The following CCDC14 variants were observed in gnomAD, a reference collection of about 807,000 sequenced individuals.
CCDC14 encodes the protein coiled-coil domain containing 14.
Under a neutral mutation model 81.4 loss-of-function variants are expected in CCDC14, and 71 were observed. The observed-to-expected ratio is 0.87, with a 90% confidence interval of 0.72 to 1.06. The LOEUF is 1.06. Ranked by LOEUF, CCDC14 falls within the 50% of genes least tolerant of loss-of-function variation. CCDC14 has a pLI of 0.00. For missense variants in CCDC14, 1,046 were observed against 1,047.3 expected, an observed-to-expected ratio of 1.00 and a Z score of 0.02; for synonymous variants, 332 against 364.8, an observed-to-expected ratio of 0.91 and a Z score of 1.03.
At chr3:123,890,934 C>T in the CCDC14 span, among the ~76,000 whole-genome samples, 1 of 152,234 alleles carries the variant, frequency 6.6e-6, no homozygotes, top group African/African-American at 2.4e-5. Context: ...TCCACCTGGG[C>T]ATCCAGGCAT....
chr3:123,944,138 T>C (rs988991928), intron 9 of CCDC14, among the ~76,000 whole-genome samples: 4 of 152,130 alleles, frequency 2.6e-5, no homozygotes, highest in South Asian at 2.1e-4. Flanking sequence ...GACACCCAAC[T>C]GGTGTCTGTT....
chr3:123,920,066 CAA>C (rs2034953977), intron 12 of CCDC14, among the ~76,000 whole-genome samples: 1 of 151,874 alleles, frequency 6.6e-6, no homozygotes, highest in African/African-American at 2.4e-5. Flanking sequence ...GAAATAGAAA[CAA>C]ATTTTAAAAA....
chr3:123,925,976 G>C (rs1021088439), intron 12 of CCDC14, among the ~76,000 whole-genome samples: 1 of 152,072 alleles, frequency 6.6e-6, no homozygotes, highest in Non-Finnish European at 1.5e-5. Flanking sequence ...AAATATGCTG[G>C]AGAAACATAT....
At chr3:123,958,617 A>G (rs1327251447) in intron 1 of CCDC14, 1 of 152,124 alleles carries the variant, frequency 6.6e-6, no homozygotes, top group Non-Finnish European at 1.5e-5. Context: ...AAGTTTGCAG[A>G]TACAATACTC....
chr3:123,915,473 G>T lies in CCDC14; in HGVS notation c.2024C>A (p.Thr675Asn), dbSNP rs372947520. The change falls in exon 13 of 13, where the codon ACC becomes AAC. Residue 675 changes from threonine (T) to asparagine (N), a missense_variant. By Grantham distance (65) the Thr-to-Asn change is moderately conservative. Coordinates refer to ENST00000409697, the MANE Select transcript of CCDC14 (RefSeq NM_001366335.1). ...KNEETIEPDK[T>N]YENVLSSRGP... ...TCTGGAGGACAGAACATTTTCATAG[G>T]TTTTGTCTGGCTCTATGGTTTCCTC... 1 of 1,613,928 alleles carries T rather than the reference G, an allele frequency of 6.2e-7. No homozygotes were observed. Among genetic ancestry groups the T allele is most frequent in the South Asian group, 1.1e-5 (1 of 91,072 alleles).
At chr3:123,907,324 T>C (rs2034334243) in intron 5 of CCDC14, among the ~76,000 whole-genome samples, 1 of 152,178 alleles carries the variant, frequency 6.6e-6, no homozygotes, top group Non-Finnish European at 1.5e-5. Flanking sequence ...TTCTTCCACT[T>C]GGGAATAGGC....
At chr3:123,910,070 G>A (rs2034408113), downstream of CCDC14, among the ~76,000 whole-genome samples, 1 of 152,146 alleles carries the variant, frequency 6.6e-6, no homozygotes, top group Admixed American at 6.5e-5. Flanking sequence ...TCCTTTAGAA[G>A]CAGCTGAGAC....
chr3:123,893,460 C>T (rs978330372), downstream of CCDC14, among the ~76,000 whole-genome samples: 29 of 151,734 alleles, frequency 1.9e-4, no homozygotes, highest in African/African-American at 7.0e-4. Flanking sequence ...TTTGTTTATC[C>T]ATTCTTCTGT....
At chr3:123,953,916 T>C (rs1305548215) in intron 5 of CCDC14, 1 of 152,150 alleles carries the variant, frequency 6.6e-6, no homozygotes, top group African/African-American at 2.4e-5. Context: ...AACCTGTGGT[T>C]TTCCTATACC....
rs900396913 is a variant in CCDC14, at chr3:123,914,221, T to C, written c.*558A>G. 5.1e-6 allele frequency: 5 copies of C among 984,434 alleles called. No individual in the cohort carries two copies. In the African/African-American group the frequency reaches 7.0e-5, roughly 14 times the overall value. The allele number at this position is 984,434 out of a possible 1,614,324, so 61.0% of individuals were successfully genotyped here. A position where few individuals can be genotyped will look rare whatever the true frequency, so the allele number is the denominator to read the frequency against. On this transcript the variant is annotated 3_prime_UTR_variant, in exon 13 of 13. Transcript: ENST00000409697. Reference sequence around the variant, plus strand: ...ATATGTTAACTTAGGATGTTATCTATATATTTTTTAGACCAATCAATGTTT... The same window carrying C: ...ATATGTTAACTTAGGATGTTATCTACATATTTTTTAGACCAATCAATGTTT...
At chr3:123,946,698 A>G in intron 8 of CCDC14, 105 bp downstream of exon 8, 2 of 1,140,030 alleles carry the variant, frequency 1.8e-6, no homozygotes, top group Non-Finnish European at 2.5e-6. Context: ...CTCAAAACAC[A>G]GTTCTATGGA....
downstream of CCDC14, among the ~76,000 whole-genome samples, chr3:123,896,966 A>G (rs73857546): frequency 8.2e-3 from 1,254 of 152,242 alleles, 20 homozygotes; most frequent in African/African-American, 0.029. Flanking sequence ...AGTCTTTACA[A>G]TTGTTATCAC....
At chr3:123,888,235 G>A in the CCDC14 span, among the ~76,000 whole-genome samples, 2 of 152,038 alleles carry the variant, frequency 1.3e-5, no homozygotes, top group African/African-American at 4.8e-5. Context: ...CTTTCTGGAG[G>A]TTATTATGAT....
chr3:123,905,685 C>T (rs1049893984), intron 5 of CCDC14, among the ~76,000 whole-genome samples: 14 of 152,286 alleles, frequency 9.2e-5, no homozygotes, highest in African/African-American at 3.4e-4. Context: ...TCAGAAGGGT[C>T]TCAGTTGGAT....
downstream of CCDC14, among the ~76,000 whole-genome samples, chr3:123,893,619 A>AT (rs1036964981): frequency 5.9e-3 from 900 of 151,920 alleles, 10 homozygotes; most frequent in African/African-American, 0.021. Flanking sequence ...TCATATGTCT[A>AT]TTTTTTTTAA....
chr3:123,899,850 A>G (rs1486618109), intron 5 of CCDC14, among the ~76,000 whole-genome samples: 1 of 152,192 alleles, frequency 6.6e-6, no homozygotes, highest in Non-Finnish European at 1.5e-5. Flanking sequence ...AACTCCAGCC[A>G]TGGGAGCACC....
intron 5 of CCDC14, among the ~76,000 whole-genome samples, chr3:123,951,287 C>T (rs1174138851): frequency 6.6e-6 from 1 of 152,156 alleles, no homozygotes; most frequent in East Asian, 1.9e-4. Context: ...TGCACTCTTA[C>T]AATAGACAAG....
chr3:123,940,786 G>A lies in CCDC14; in HGVS notation c.1343+4063C>T, dbSNP rs150788570. ...AAAACATGTTCAGAGAATAATTCCC[G>A]AGTCTACATTTCCATCTTTCATCTT... On this transcript the variant is annotated intron_variant, in intron 9 of 12. Transcript: ENST00000409697. 4.6e-4 allele frequency among the ~76,000 whole-genome samples: 70 copies of A among 151,894 alleles called. 1 individual carries two copies. The highest frequency in any genetic ancestry group is 3.9e-3 in the East Asian group (20 of 5,162).
chr3:123,916,000 T>A (rs2034665170), intron 12 of CCDC14, among the ~76,000 whole-genome samples: 1 of 150,368 alleles, frequency 6.7e-6, no homozygotes, highest in African/African-American at 2.4e-5. Context: ...TTTACTCTTT[T>A]TTTTTTTTTT....
Sources: allele counts gnomAD v4.1 joint callset (sites outside exome capture counted in the v4.1 genomes callset), GRCh38; gene constraint gnomAD v4.1.1; transcripts MANE v1.5; gene names NCBI Gene and HGNC (gene_info 2026-07-23, HGNC 2026-07-21).